GRHL2: variants seen among roughly 807,000 people sequenced by gnomAD.
GRHL2 encodes grainyhead like transcription factor 2.
GRHL2 carries 21 observed loss-of-function variants against 83.8 expected under a neutral mutation model. That is an observed-to-expected ratio of 0.25 (90% CI 0.18 to 0.36). GRHL2 has a LOEUF of 0.36. Ranked by LOEUF, GRHL2 falls within the 10% of genes least tolerant of loss-of-function variation. The probability of loss-of-function intolerance (pLI) is 1.00; values close to 1 mark genes in which losing one functional copy is unlikely to be tolerated. For synonymous variants in GRHL2, 280 were observed against 278.9 expected (o/e 1.00, Z -0.04); for missense variants, 623 against 781.8 (o/e 0.80, Z 2.42).
intron 1 of GRHL2, among the ~76,000 whole-genome samples, chr8:101,516,239 A>G (rs943920102): frequency 6.6e-6 from 1 of 152,148 alleles, no homozygotes; most frequent in African/African-American, 2.4e-5. Context: ...GTTGCAAATG[A>G]CCCACATAAT....
intron 12 of GRHL2, among the ~76,000 whole-genome samples, chr8:101,637,239 T>A (rs922893495): frequency 6.6e-6 from 1 of 152,158 alleles, no homozygotes; most frequent in Admixed American, 6.6e-5. Context: ...ATCCAGTTGG[T>A]GAAATCTTCT....
At chr8:101,593,276 A>T (rs1232449041) in intron 7 of GRHL2, among the ~76,000 whole-genome samples, 1 of 152,150 alleles carries the variant, frequency 6.6e-6, no homozygotes, top group Non-Finnish European at 1.5e-5. Flanking sequence ...GTTTCAGCCA[A>T]TAATAATATT....
chr8:101,564,552 T>C (rs1227288502), intron 4 of GRHL2, among the ~76,000 whole-genome samples: 1 of 152,124 alleles, frequency 6.6e-6, no homozygotes, highest in East Asian at 1.9e-4. Context: ...GTGCCTGTAA[T>C]CCCAGCACTT....
chr8:101,515,357 C>T (rs963517641), intron 1 of GRHL2, among the ~76,000 whole-genome samples: 1 of 152,106 alleles, frequency 6.6e-6, no homozygotes, highest in Non-Finnish European at 1.5e-5. Context: ...GTCTTTCTTC[C>T]CAGAGTCCTG....
intron 1 of GRHL2, among the ~76,000 whole-genome samples, chr8:101,535,001 T>G (rs112653042): frequency 0.025 from 3,800 of 152,306 alleles, 60 homozygotes; most frequent in African/African-American, 0.053. Context: ...TCACATGCAT[T>G]TCTCTCATTT....
At chr8:101,557,012 A>C (rs1309585600) in intron 3 of GRHL2, among the ~76,000 whole-genome samples, 1 of 151,962 alleles carries the variant, frequency 6.6e-6, no homozygotes, top group East Asian at 1.9e-4. Context: ...AGCAATGATA[A>C]ATTTTTGCCA....
At chr8:101,660,565 T>TA (rs1281699921) in intron 14 of GRHL2, among the ~76,000 whole-genome samples, 14 of 152,384 alleles carry the variant, frequency 9.2e-5, no homozygotes, top group African/African-American at 3.4e-4. Context: ...TAATAACTGA[T>TA]ACACTTGATT....
intron 9 of GRHL2, among the ~76,000 whole-genome samples, chr8:101,627,275 G>A (rs1224675327): frequency 1.3e-5 from 2 of 152,120 alleles, no homozygotes; most frequent in Admixed American, 1.3e-4. Context: ...AACAGCATGT[G>A]TTCTTGTCTC....
In GRHL2 at chr8:101,492,933, T is replaced by G. The variant is rs1215313586; in HGVS notation, c.20+144T>G. 14 of 771,910 alleles carry G rather than the reference T, an allele frequency of 1.8e-5. No individual in the cohort carries two copies. The East Asian group carries it at 2.8e-4, about 16-fold the overall frequency. 47.8% of individuals were successfully genotyped at this position (771,910 alleles called of 1,614,324 possible). On this transcript the variant is annotated intron_variant, in intron 1 of 15. Coordinates refer to ENST00000646743, the MANE Select transcript of GRHL2 (RefSeq NM_024915.4). ...TTTCTTTTTGGTGGATCCAGACTTT[T>G]CCGCATTATGTTTCTACCCTGATTA...
At position 101,644,215 on chromosome 8, in the gene GRHL2, G is replaced by C. The variant is rs1361618504; in HGVS notation, c.1602G>C (p.Gly534=). Reference sequence around the variant, plus strand: ...CTTCAAAGCAGATGAAAGAAGAAGGGACAAAGCGAGGTATCTCTCCTGCTG... The same window carrying C: ...CTTCAAAGCAGATGAAAGAAGAAGGCACAAAGCGAGGTATCTCTCCTGCTG... The part of the protein sequence containing the change: ...PVPSKQMKEE[G]TKRVLLYVRK... The change falls in exon 13 of 16, where the codon GGG becomes GGC. Residue 534 remains glycine (G), a synonymous_variant. Coordinates refer to ENST00000646743, the MANE Select transcript of GRHL2 (RefSeq NM_024915.4). The C allele has an allele frequency of 1.2e-6, 2 of 1,613,392 alleles. No individual in the cohort carries two copies. The highest frequency in any genetic ancestry group is 1.3e-5 in the African/African-American group (1 of 74,920).
At chr8:101,512,610 G>A (rs1810488113) in intron 1 of GRHL2, among the ~76,000 whole-genome samples, 1 of 152,208 alleles carries the variant, frequency 6.6e-6, no homozygotes, top group Non-Finnish European at 1.5e-5. Flanking sequence ...GAGTAGCTGG[G>A]ATTACAGGTG....
chr8:101,564,508 A>G (rs1451128461), intron 4 of GRHL2, among the ~76,000 whole-genome samples: 1 of 152,178 alleles, frequency 6.6e-6, no homozygotes, highest in African/African-American at 2.4e-5. Flanking sequence ...CAGTGGTAGC[A>G]TTAAAAAGTG....
chr8:101,531,269 G>A (rs1020702005), intron 1 of GRHL2, among the ~76,000 whole-genome samples: 3 of 150,642 alleles, frequency 2.0e-5, no homozygotes, highest in South Asian at 2.1e-4. Flanking sequence ...ATGCAATGCT[G>A]ATCTAATGCT....
chr8:101,544,650 TGCTGGTTGG>T, intron 2 of GRHL2, among the ~76,000 whole-genome samples: 1 of 152,360 alleles, frequency 6.6e-6, no homozygotes, highest in Non-Finnish European at 1.5e-5. Context: ...GTGTTTATTT[TGCTGGTTGG>T]GCACAATGAA....
intron 1 of GRHL2, among the ~76,000 whole-genome samples, chr8:101,524,495 G>A (rs1338844888): frequency 1.3e-5 from 2 of 151,876 alleles, no homozygotes; most frequent in Non-Finnish European, 2.9e-5. Context: ...GCCTCTAAGT[G>A]CTGATTTATC....
At chr8:101,571,594 A>T (rs1430532186) in intron 5 of GRHL2, among the ~76,000 whole-genome samples, 1 of 152,092 alleles carries the variant, frequency 6.6e-6, no homozygotes, top group Non-Finnish European at 1.5e-5. Context: ...ATTGAACTCA[A>T]ATTCCTTATG....
At chr8:101,494,789 C>A (rs1474281471) in intron 1 of GRHL2, among the ~76,000 whole-genome samples, 1 of 152,180 alleles carries the variant, frequency 6.6e-6, no homozygotes. Flanking sequence ...GTACTGAGCG[C>A]CCGCAATCTG....
intron 1 of GRHL2, chr8:101,529,496 A>G (rs1810876964): frequency 5.4e-6 from 1 of 186,692 alleles, no homozygotes; most frequent in Non-Finnish European, 1.1e-5. Context: ...TTGGTCTCCA[A>G]ACCACAAGGA....
intron 1 of GRHL2, among the ~76,000 whole-genome samples, chr8:101,507,798 A>G (rs895690137): frequency 2.3e-5 from 3 of 129,110 alleles, no homozygotes; most frequent in African/African-American, 9.2e-5. Flanking sequence ...TTTTTTTTAG[A>G]CAAGAGTCTT....
Sources: gnomAD v4.1 joint callset for allele counts (sites outside exome capture counted in the v4.1 genomes callset) on GRCh38, gnomAD v4.1.1 for gene constraint, MANE v1.5 for transcripts, NCBI Gene and HGNC (gene_info 2026-07-23, HGNC 2026-07-21) for gene names.